FAM20C: variants seen among roughly 807,000 people sequenced by gnomAD.
The protein encoded by FAM20C is FAM20C golgi associated secretory pathway kinase.
Under a neutral mutation model 51.5 loss-of-function variants are expected in FAM20C, and 40 were observed. The ratio of observed to expected loss-of-function variants is 0.78; its 90% CI spans 0.60 to 1.01. The LOEUF (loss-of-function observed/expected upper bound fraction) is 1.01, where lower values mean the gene tolerates loss of function less well. FAM20C is among the 50% of genes least tolerant of loss of function. FAM20C has a pLI of 0.00. For missense variants in FAM20C, 861 were observed against 844.7 expected (o/e 1.02, Z -0.24); for synonymous variants, 406 against 380.6 (o/e 1.07, Z -0.78).
At position 257,075 on chromosome 7, in the gene FAM20C, C is replaced by T; in HGVS notation, c.1434C>T (p.Asp478=). The T allele has an allele frequency of 1.3e-6, 2 of 1,537,020 alleles. No individual in the cohort carries two copies. The highest frequency in any genetic ancestry group is 2.4e-5 in the East Asian group (1 of 40,914). The change falls in exon 8 of 10, where the codon GAC becomes GAT. Residue 478 remains aspartate (D), a synonymous_variant. Transcript: ENST00000313766. ...FGNETFIIHL[D]NGRGFGKYSH... ...ATGAAACGTTCATCATCCACTTAGA[C>T]AATGGAAGAGGGTGAGCCTGTCCTC...
At position 242,909 on chromosome 7, in the gene FAM20C, C is replaced by T. The variant is rs149157061; in HGVS notation, c.864-3506C>T. Among the ~76,000 whole-genome samples, 1,382 of 152,266 alleles carry T rather than the reference C, an allele frequency of 9.1e-3. 7 individuals are homozygous for T. Among genetic ancestry groups the T allele is most frequent in the Middle Eastern group, 0.048 (14 of 294 alleles). On this transcript the variant is annotated intron_variant, in intron 3 of 9. Transcript: ENST00000313766. ...GTGTGTCCAGGGGACCTGGCCAGGG[C>T]GAGAACAGCTGCCCCCCAAGACAGT... is the stretch of plus-strand genomic sequence containing the variant.
Position 240,537 on chromosome 7 carries a change from G to C in FAM20C, c.864-5878G>C, listed in dbSNP as rs945541044. ...TGATGTGGAGGTGATGGTGGTGATG[G>C]TGATGGTGGTAGAGGTGACATTGAT... On this transcript the variant is annotated intron_variant, in intron 3 of 9. Coordinates refer to ENST00000313766, the MANE Select transcript of FAM20C (RefSeq NM_020223.4). Among the ~76,000 whole-genome samples the C allele has an allele frequency of 2.6e-4, 40 of 152,136 alleles. No individual in the cohort carries two copies. The East Asian group carries it at 4.4e-3, about 17-fold the overall frequency.
intron 3 of FAM20C, among the ~76,000 whole-genome samples, chr7:236,502 C>T (rs1787851398): frequency 6.6e-6 from 1 of 150,484 alleles, no homozygotes; most frequent in Non-Finnish European, 1.5e-5. Flanking sequence ...GCAAAAATTT[C>T]CCCCCTTCCC....
intron 5 of FAM20C, among the ~76,000 whole-genome samples, chr7:254,542 C>T (rs138322496): frequency 6.6e-6 from 1 of 152,194 alleles, no homozygotes; most frequent in Admixed American, 6.5e-5. Context: ...GCAGTGAACC[C>T]GCACTGCTAG....
At chr7:206,496 C>T (rs1301138832) in intron 2 of FAM20C, among the ~76,000 whole-genome samples, 1 of 151,430 alleles carries the variant, frequency 6.6e-6, no homozygotes, top group African/African-American at 2.4e-5. Context: ...GCCCTGCACA[C>T]GTGTCCACTG....
At chr7:213,733 C>G (rs1182228505) in intron 3 of FAM20C, among the ~76,000 whole-genome samples, 1 of 152,182 alleles carries the variant, frequency 6.6e-6, no homozygotes, top group African/African-American at 2.4e-5. Flanking sequence ...GTTTGAGGAA[C>G]TGACTGTCCG....
chr7:252,057 A>G (rs1024518594), intron 5 of FAM20C, among the ~76,000 whole-genome samples: 1 of 152,090 alleles, frequency 6.6e-6, no homozygotes, highest in Non-Finnish European at 1.5e-5. Context: ...AGGAGCCCGG[A>G]TTCCTCTCCT....
chr7:230,248 C>A (rs1375694884), intron 3 of FAM20C, among the ~76,000 whole-genome samples: 1 of 152,060 alleles, frequency 6.6e-6, no homozygotes, highest in Admixed American at 6.5e-5. Flanking sequence ...GCTGCAGTAA[C>A]AAGCCCAGGA....
rs1445899283 is a variant in FAM20C at position 243,000 on chromosome 7, A to ACCTGTGCCACCCGGGAGT, written c.864-3404_864-3403insCGGGAGTCCTGTGCCACC. Among the ~76,000 whole-genome samples the ACCTGTGCCACCCGGGAGT allele has an allele frequency of 1.4e-4, 21 of 149,950 alleles. No individual in the cohort carries two copies. In the East Asian group the frequency reaches 4.2e-3, roughly 30 times the overall value. The stretch of plus-strand genomic sequence containing the variant: ...CCGGGATACCTGTGCCACCCGGGAG[A>ACCTGTGCCACCCGGGAGT]CCTGTGCCACCAGGAGACCTGTGCT... On this transcript the variant is annotated intron_variant, in intron 3 of 9. Transcript: ENST00000313766.
At chr7:245,629 T>C (rs145818395) in intron 3 of FAM20C, among the ~76,000 whole-genome samples, 86,314 of 152,218 alleles carry the variant, frequency 0.57, 25,675 homozygotes, top group African/African-American at 0.76. Flanking sequence ...TACACACTTA[T>C]GCTCAGACAC....
At position 253,661 on chromosome 7, in the gene FAM20C, G is replaced by A. The variant is rs192444572; in HGVS notation, c.1073-2188G>A. Among the ~76,000 whole-genome samples the A allele has an allele frequency of 2.7e-3, 415 of 151,594 alleles. 4 individuals carry two copies. The highest frequency in any genetic ancestry group is 4.7e-3 in the Non-Finnish European group (322 of 68,024). ...GGCGTTGCTGGGACCCCCGCTTCCCGGGCGAGGGGCTGGGCACAGAGCAGG... is the reference window on the plus strand; with the variant it reads ...GGCGTTGCTGGGACCCCCGCTTCCCAGGCGAGGGGCTGGGCACAGAGCAGG... On this transcript the variant is annotated intron_variant, in intron 5 of 9. Coordinates refer to ENST00000313766, the MANE Select transcript of FAM20C (RefSeq NM_020223.4).
intron 2 of FAM20C, among the ~76,000 whole-genome samples, chr7:195,950 C>G (rs371201342): frequency 1.3e-5 from 2 of 152,200 alleles, no homozygotes; most frequent in Non-Finnish European, 2.9e-5. Flanking sequence ...GCACGATGAG[C>G]GGGGAGACGC....
intron 5 of FAM20C, among the ~76,000 whole-genome samples, chr7:254,388 G>A (rs952940627): frequency 2.0e-5 from 3 of 152,234 alleles, no homozygotes; most frequent in African/African-American, 4.8e-5. Context: ...TCGGGGCTCC[G>A]GCCCCAACAA....
At chr7:243,919 AAATAATAAT>A (rs769426964) in intron 3 of FAM20C, among the ~76,000 whole-genome samples, 10 of 142,476 alleles carry the variant, frequency 7.0e-5, no homozygotes, top group Non-Finnish European at 1.1e-4. Flanking sequence ...TTTCTAAAGA[AAATAATAAT>A]AATAATAATA....
At chr7:248,159 C>T (rs1383051497) in intron 4 of FAM20C, among the ~76,000 whole-genome samples, 156 bp from the exon 5 acceptor site, 1 of 152,180 alleles carries the variant, frequency 6.6e-6, no homozygotes, top group East Asian at 1.9e-4. Context: ...AGCCACCGGA[C>T]CTAGGGCTGG....
chr7:218,190 CACA>C (rs1787092612), intron 3 of FAM20C, among the ~76,000 whole-genome samples: 1 of 152,218 alleles, frequency 6.6e-6, no homozygotes, highest in Admixed American at 6.5e-5. Context: ...CAAGCCCAGC[CACA>C]ACCACACTGG....
chr7:256,639 G>A lies in FAM20C; in HGVS notation c.1254-15G>A, dbSNP rs956683757. 24 of 1,533,352 alleles carry A rather than the reference G, an allele frequency of 1.6e-5. No individual in the cohort carries two copies. Among genetic ancestry groups the A allele is most frequent in the South Asian group, 3.6e-5 (3 of 83,998 alleles). The allele number at this position is 1,533,352 out of a possible 1,614,324, so 95.0% of individuals were successfully genotyped here. The stretch of plus-strand genomic sequence containing the variant: ...ATCTGGCCTGGGCCCCCCGTCTCAC[G>A]CTGGCTCCCCGCAGGTGGGAGGTGG... On this transcript the variant is annotated splice_polypyrimidine_tract_variant and intron_variant, in intron 6 of 9. Coordinates refer to ENST00000313766, the MANE Select transcript of FAM20C (RefSeq NM_020223.4).
intron 5 of FAM20C, among the ~76,000 whole-genome samples, chr7:255,522 G>C (rs951905256): frequency 1.3e-5 from 2 of 152,200 alleles, no homozygotes; most frequent in East Asian, 3.8e-4. Flanking sequence ...TCTGTGGATT[G>C]TATCTTCACT....
intron 5 of FAM20C, among the ~76,000 whole-genome samples, chr7:252,975 G>A (rs1317840216): frequency 6.6e-6 from 1 of 152,246 alleles, no homozygotes; most frequent in African/African-American, 2.4e-5. Context: ...CCAGGACCAG[G>A]CCCAGGTCCT....
Sources: gnomAD v4.1 joint callset for allele counts (sites outside exome capture counted in the v4.1 genomes callset) on GRCh38, gnomAD v4.1.1 for gene constraint, MANE v1.5 for transcripts, NCBI Gene and HGNC (gene_info 2026-07-23, HGNC 2026-07-21) for gene names.